The following CNTNAP5 variants were observed in gnomAD, a reference collection of about 807,000 sequenced individuals.
The protein encoded by CNTNAP5 is contactin associated protein family member 5.
A neutral mutation model predicts 150.2 loss-of-function variants in CNTNAP5; 72 were observed. The ratio of observed to expected loss-of-function variants is 0.48; its 90% CI spans 0.40 to 0.58. The LOEUF is 0.58. CNTNAP5 is among the 20% of genes least tolerant of loss of function. CNTNAP5 has a pLI of 0.00. For synonymous variants in CNTNAP5, 672 were observed against 619.8 expected (o/e 1.08, Z -1.25); for missense variants, 1,636 against 1,626.2 (o/e 1.01, Z -0.10).
chr2:124,706,780 AAGAAGAAGAAGAAGAAGGAGGAGG>A (rs1177445392), intron 13 of CNTNAP5, among the ~76,000 whole-genome samples: 15 of 37,044 alleles, frequency 4.0e-4, no homozygotes, highest in African/African-American at 1.3e-3. Flanking sequence ...GAAGAAGAAG[AAGAAGAAGAAGAAGAAGGAGGAGG>A]AGGAGGAGGA....
chr2:124,083,318 C>T (rs1006984447), intron 1 of CNTNAP5, among the ~76,000 whole-genome samples: 1 of 152,122 alleles, frequency 6.6e-6, no homozygotes, highest in Non-Finnish European at 1.5e-5. Context: ...TGCCACTGCA[C>T]TCCAGCCCTG....
intron 4 of CNTNAP5, among the ~76,000 whole-genome samples, chr2:124,419,970 C>CTCTCTCTCTT (rs139642632): frequency 4.8e-5 from 3 of 62,538 alleles, no homozygotes; most frequent in Non-Finnish European, 8.9e-5. Context: ...TTCTCTCTCT[C>CTCTCTCTCTT]TCTTTCTTTC....
intron 3 of CNTNAP5, among the ~76,000 whole-genome samples, chr2:124,302,354 T>C (rs1688585077): frequency 6.6e-6 from 1 of 152,250 alleles, no homozygotes; most frequent in African/African-American, 2.4e-5. Context: ...TATTCTGCTA[T>C]AACAGAATAA....
chr2:124,823,384 C>A (rs564398368), intron 19 of CNTNAP5, among the ~76,000 whole-genome samples: 1 of 152,278 alleles, frequency 6.6e-6, no homozygotes, highest in Non-Finnish European at 1.5e-5. Flanking sequence ...TTATCAAATG[C>A]TTTGTCTCCT....
intron 10 of CNTNAP5, among the ~76,000 whole-genome samples, chr2:124,541,688 T>G (rs1006404284): frequency 6.6e-6 from 1 of 152,132 alleles, no homozygotes; most frequent in Admixed American, 6.6e-5. Flanking sequence ...TGTTGTTTTC[T>G]GTGATATTAA....
chr2:124,089,520 C>G (rs1371149526), intron 1 of CNTNAP5, among the ~76,000 whole-genome samples: 1 of 152,098 alleles, frequency 6.6e-6, no homozygotes, highest in Non-Finnish European at 1.5e-5. Flanking sequence ...GTTTTGTACT[C>G]TCCATTCATT....
intron 3 of CNTNAP5, among the ~76,000 whole-genome samples, chr2:124,342,100 T>G (rs1400665776): frequency 6.6e-6 from 1 of 152,158 alleles, no homozygotes; most frequent in Non-Finnish European, 1.5e-5. Flanking sequence ...TATTATAGTT[T>G]TCTTCTGAAA....
intron 3 of CNTNAP5, among the ~76,000 whole-genome samples, chr2:124,248,883 C>A (rs1455032701): frequency 6.6e-6 from 1 of 152,132 alleles, no homozygotes; most frequent in Non-Finnish European, 1.5e-5. Context: ...CAGCTGATAT[C>A]AAAATAAGGA....
At chr2:124,588,949 T>C (rs1696616402) in intron 11 of CNTNAP5, among the ~76,000 whole-genome samples, 1 of 152,090 alleles carries the variant, frequency 6.6e-6, no homozygotes, top group Admixed American at 6.5e-5. Context: ...TCTGGTGCAG[T>C]GTGTCCCGGG....
At chr2:124,635,779 T>G (rs1341901532) in intron 12 of CNTNAP5, among the ~76,000 whole-genome samples, 1 of 152,168 alleles carries the variant, frequency 6.6e-6, no homozygotes, top group Non-Finnish European at 1.5e-5. Flanking sequence ...TTCTGGGAAG[T>G]AGGCAGGCCA....
intron 3 of CNTNAP5, among the ~76,000 whole-genome samples, chr2:124,391,353 G>A (rs565018195): frequency 6.6e-6 from 1 of 152,082 alleles, no homozygotes; most frequent in South Asian, 2.1e-4. Flanking sequence ...ATTTAAAATG[G>A]AAAGAAGACA....
At chr2:124,558,832 A>G (rs1695821795) in intron 10 of CNTNAP5, among the ~76,000 whole-genome samples, 1 of 152,122 alleles carries the variant, frequency 6.6e-6, no homozygotes, top group Non-Finnish European at 1.5e-5. Context: ...CTTAAGGCTG[A>G]CCTAGAGAGA....
At chr2:124,909,997 G>A (rs1216019815) in intron 22 of CNTNAP5, among the ~76,000 whole-genome samples, 1 of 151,136 alleles carries the variant, frequency 6.6e-6, no homozygotes, top group Non-Finnish European at 1.5e-5. Context: ...CTGCTCCATG[G>A]CCAGCACCTT....
chr2:124,278,643 A>C (rs974531839), intron 3 of CNTNAP5, among the ~76,000 whole-genome samples: 1 of 152,142 alleles, frequency 6.6e-6, no homozygotes, highest in African/African-American at 2.4e-5. Context: ...ATCAAACCCA[A>C]TCTGCTCATT....
intron 11 of CNTNAP5, among the ~76,000 whole-genome samples, chr2:124,569,027 G>A (rs1252558901): frequency 9.9e-5 from 15 of 152,226 alleles, no homozygotes; most frequent in African/African-American, 1.9e-4. Flanking sequence ...CAGCCTGGGC[G>A]ACAGAGCGAG....
At chr2:124,639,983 G>A (rs1678056559) in intron 12 of CNTNAP5, among the ~76,000 whole-genome samples, 1 of 152,098 alleles carries the variant, frequency 6.6e-6, no homozygotes. Flanking sequence ...TGCAACACAA[G>A]GCAGTCTGCC....
chr2:124,228,186 A>G (rs1372443987), intron 2 of CNTNAP5, among the ~76,000 whole-genome samples: 1 of 152,128 alleles, frequency 6.6e-6, no homozygotes. Flanking sequence ...AGGACCCAAG[A>G]ACCTGGAATT....
intron 6 of CNTNAP5, among the ~76,000 whole-genome samples, chr2:124,473,586 T>A (rs190608203): frequency 6.6e-6 from 1 of 151,934 alleles, no homozygotes; most frequent in African/African-American, 2.4e-5. Flanking sequence ...GACATTCTGA[T>A]TGGGAGACCA....
At chr2:124,510,348 A>AACAC (rs3039130) in intron 8 of CNTNAP5, among the ~76,000 whole-genome samples, 4,117 of 68,174 alleles carry the variant, frequency 0.06, 274 homozygotes, top group East Asian at 0.15. Context: ...TCCATATGTC[A>AACAC]ACACACACAC....
Sources: gnomAD v4.1 joint callset for allele counts (sites outside exome capture counted in the v4.1 genomes callset) on GRCh38, gnomAD v4.1.1 for gene constraint, MANE v1.5 for transcripts, NCBI Gene and HGNC (gene_info 2026-07-23, HGNC 2026-07-21) for gene names.